OR10R2: variants seen among roughly 807,000 people sequenced by gnomAD.
OR10R2 encodes olfactory receptor family 10 subfamily R member 2, also known as olfactory receptor 10R2.
Under a neutral mutation model 2.4 loss-of-function variants are expected in OR10R2, and 1 was observed. The ratio of observed to expected loss-of-function variants is 0.41; its 90% confidence interval spans 0.15 to 1.95. OR10R2 has a LOEUF of 1.95. Among genes scored for constraint, OR10R2 ranks in the 30% most tolerant of loss-of-function variants. OR10R2 has a pLI of 0.30. For synonymous variants in OR10R2, 166 were observed against 144.8 expected, an observed-to-expected ratio of 1.15 and a Z score of -1.05; for missense variants, 419 against 373.0, an observed-to-expected ratio of 1.12 and a Z score of -1.01.
At chr1:158,475,604 G>A (rs542297728) in intron 1 of OR10R2, among the ~76,000 whole-genome samples, 77 of 151,294 alleles carry the variant, frequency 5.1e-4, no homozygotes, top group African/African-American at 1.7e-3. Context: ...TTTCTCCATC[G>A]GCTTGTAATA....
At chr1:158,477,500 T>C (rs1358787775) in intron 1 of OR10R2, among the ~76,000 whole-genome samples, 1 of 152,166 alleles carries the variant, frequency 6.6e-6, no homozygotes, top group Non-Finnish European at 1.5e-5. Flanking sequence ...AGTGTTTCTA[T>C]ATATCAATAA....
chr1:158,473,974 CT>C (rs1557875144), intron 1 of OR10R2, among the ~76,000 whole-genome samples: 1 of 136,118 alleles, frequency 7.3e-6, no homozygotes, highest in African/African-American at 2.8e-5. Context: ...TTTTTCTTTT[CT>C]TTCTTTTTTC....
Position 158,480,297 on chromosome 1 carries a change from T to A in OR10R2, c.387T>A (p.Tyr129Ter). 6.2e-7 allele frequency: 1 copy of A among 1,614,168 alleles called. No individual in the cohort carries two copies. The highest frequency in any genetic ancestry group is 1.3e-5 in the African/African-American group (1 of 75,056). The change falls in exon 2 of 2, where the codon TAT (tyrosine) becomes TAA (stop). Residue 129 changes from tyrosine to a stop codon, truncating the protein, a stop_gained. Coordinates refer to ENST00000641067, the Ensembl canonical transcript of OR10R2. LOFTEE classifies it low-confidence loss of function (END_TRUNC). ...GCCTGCTATTGGGTGTGATGGGTTA[T>A]GATCGCTATGCTGCCATTTGTCACC... is the stretch of plus-strand genomic sequence containing the variant.
At chr1:158,473,727 T>C (rs1656205373) in intron 1 of OR10R2, among the ~76,000 whole-genome samples, 1 of 151,510 alleles carries the variant, frequency 6.6e-6, no homozygotes, top group East Asian at 2.0e-4. Context: ...TTTCTTCCCT[T>C]TCTTTCCTTC....
At position 158,480,889 on chromosome 1, in the gene OR10R2, A is replaced by T. The variant is rs756248814; in HGVS notation, c.*4A>T. On this transcript the variant is annotated 3_prime_UTR_variant, in exon 2 of 2. Transcript: ENST00000641067. ...TTCTCTAAAACTATATAATTGAAATATTATTACATTTTAGATTTCTTAATA... is the reference window on the plus strand; with the variant it reads ...TTCTCTAAAACTATATAATTGAAATTTTATTACATTTTAGATTTCTTAATA... The T allele has an allele frequency of 3.3e-6, 4 of 1,213,936 alleles. No individual in the cohort carries two copies. The African/African-American group carries it at 6.2e-5, about 19-fold the overall frequency. The allele number at this position is 1,213,936 out of a possible 1,614,324, so 75.2% of individuals were successfully genotyped here.
At chr1:158,472,829 G>A (rs1557874666) in intron 1 of OR10R2, among the ~76,000 whole-genome samples, 1 of 152,086 alleles carries the variant, frequency 6.6e-6, no homozygotes, top group Non-Finnish European at 1.5e-5. Context: ...TTGCAGAATG[G>A]TCAAAAAGGC....
chr1:158,473,480 T>A (rs894315138), intron 1 of OR10R2, among the ~76,000 whole-genome samples: 7 of 152,276 alleles, frequency 4.6e-5, no homozygotes, highest in African/African-American at 1.7e-4. Context: ...CAATAAATAG[T>A]TTTTAAATTG....
chr1:158,480,059 G>T (rs563325474), exon 2 of OR10R2: 2 of 1,613,822 alleles, frequency 1.2e-6, no homozygotes, highest in East Asian at 2.2e-5. Context: ...ATTCTTAGTG[G>T]CAATGTCACC....
At chr1:158,480,601 C>G in exon 2 of OR10R2, 1 of 1,613,632 alleles carries the variant, frequency 6.2e-7, no homozygotes. Flanking sequence ...TCTCTGCATT[C>G]TGAGGACTAT....
intron 1 of OR10R2, among the ~76,000 whole-genome samples, chr1:158,476,731 T>A (rs933097324): frequency 6.6e-6 from 1 of 152,156 alleles, no homozygotes; most frequent in African/African-American, 2.4e-5. Flanking sequence ...GGGTGATGGA[T>A]CATTTCAATG....
At position 158,480,720 on chromosome 1, in the gene OR10R2, G is replaced by C. The variant is rs777484932; in HGVS notation, c.810G>C (p.Arg270Ser). ...GCTGTGCTTCCTTCATCTACCTGAG[G>C]CCTACAGCAAACTATGTGTCCAACA... The change falls in exon 2 of 2, where the codon AGG becomes AGC. Residue 270 changes from arginine to serine, a missense_variant. Coordinates refer to ENST00000641067, the Ensembl canonical transcript of OR10R2. 6.2e-6 allele frequency: 10 copies of C among 1,612,650 alleles called. No homozygotes were observed. In the Middle Eastern group the frequency reaches 5.0e-4, roughly 80 times the overall value.
chr1:158,475,096 A>T (rs1656246041), intron 1 of OR10R2, among the ~76,000 whole-genome samples: 1 of 152,250 alleles, frequency 6.6e-6, no homozygotes. Context: ...GAGGTTAAAT[A>T]AATTGTCTAA....
chr1:158,474,112 G>T (rs1169188021), intron 1 of OR10R2, among the ~76,000 whole-genome samples: 2 of 151,934 alleles, frequency 1.3e-5, no homozygotes, highest in Non-Finnish European at 2.9e-5. Flanking sequence ...GAAGGTACTT[G>T]GTAAAATGTA....
At chr1:158,480,404 C>T (rs751677742) in exon 2 of OR10R2, 1 of 1,614,114 alleles carries the variant, frequency 6.2e-7, no homozygotes, top group African/African-American at 1.3e-5. Context: ...TTCTTGGCCT[C>T]TCTTACAGTA....
intron 1 of OR10R2, among the ~76,000 whole-genome samples, chr1:158,477,573 A>G (rs1330005757): frequency 6.6e-6 from 1 of 152,198 alleles, no homozygotes; most frequent in African/African-American, 2.4e-5. Context: ...AGAAAATAAA[A>G]TATCTAGAAA....
At chr1:158,479,098 G>A (rs1031131165) in intron 1 of OR10R2, among the ~76,000 whole-genome samples, 4 of 152,118 alleles carry the variant, frequency 2.6e-5, no homozygotes, top group African/African-American at 9.6e-5. Flanking sequence ...GCTGTGATGT[G>A]TTCCAGAAAC....
intron 1 of OR10R2, among the ~76,000 whole-genome samples, chr1:158,475,925 T>A (rs1656260110): frequency 6.6e-6 from 1 of 152,036 alleles, no homozygotes; most frequent in South Asian, 2.1e-4. Flanking sequence ...TAAGTTACTA[T>A]TATAGGTCAG....
intron 1 of OR10R2, chr1:158,474,507 G>A (rs183633102): frequency 2.6e-5 from 4 of 152,310 alleles, no homozygotes; most frequent in Admixed American, 2.6e-4. Context: ...ATTCTCTTAA[G>A]ATTCCATAGT....
At chr1:158,479,634 G>A (rs1656340804) in intron 1 of OR10R2, among the ~76,000 whole-genome samples, 1 of 152,170 alleles carries the variant, frequency 6.6e-6, no homozygotes, top group African/African-American at 2.4e-5. Flanking sequence ...CAGAAGGAAA[G>A]TCAACTGACA....
Sources: allele counts gnomAD v4.1 joint callset (sites outside exome capture counted in the v4.1 genomes callset), GRCh38; gene constraint gnomAD v4.1.1; transcripts MANE v1.5; gene names NCBI Gene and HGNC (gene_info 2026-07-23, HGNC 2026-07-21).